The following CLVS1 variants were observed in gnomAD, a reference collection of about 807,000 sequenced individuals.
CLVS1 encodes the protein clavesin 1, also known as clavesin-1.
In CLVS1, 10 loss-of-function variants were observed where a neutral mutation model predicts 33.1. That is an observed-to-expected ratio of 0.30 (90% confidence interval 0.19 to 0.51). The LOEUF (loss-of-function observed/expected upper bound fraction) is 0.51, where lower values mean the gene tolerates loss of function less well. CLVS1 is among the 20% of genes least tolerant of loss of function. The pLI is 0.97. For synonymous variants in CLVS1, 163 were observed against 166.1 expected (o/e 0.98, Z 0.14); for missense variants, 343 against 433.4 (o/e 0.79, Z 1.85).
chr8:60,978,754 G>A, the CLVS1 span, among the ~76,000 whole-genome samples: 4 of 136,834 alleles, frequency 2.9e-5, no homozygotes, highest in Non-Finnish European at 1.5e-5. Context: ...GGTGGAGGTT[G>A]CAGTGAGCCC....
At chr8:61,361,163 G>A (rs1422323814) in intron 2 of CLVS1, among the ~76,000 whole-genome samples, 1 of 152,176 alleles carries the variant, frequency 6.6e-6, no homozygotes, top group African/African-American at 2.4e-5. Context: ...ACCCATTAAT[G>A]AGAACTCTGC....
chr8:61,202,940 C>G (rs1807767645), intron 2 of CLVS1: 4 of 1,422,380 alleles, frequency 2.8e-6, no homozygotes, highest in Non-Finnish European at 3.9e-6. Flanking sequence ...ATACAAGATA[C>G]TCCAGCCAAA....
At chr8:61,295,399 T>A (rs946701656) in intron 1 of CLVS1, among the ~76,000 whole-genome samples, 2 of 152,110 alleles carry the variant, frequency 1.3e-5, no homozygotes, top group African/African-American at 4.8e-5. Flanking sequence ...AGAGCAAAAA[T>A]TAGTGAATGC....
the CLVS1 span, among the ~76,000 whole-genome samples, chr8:61,047,504 G>A: frequency 2.6e-5 from 4 of 152,152 alleles, no homozygotes; most frequent in Non-Finnish European, 4.4e-5. Flanking sequence ...TATGTTTATT[G>A]CGGCACTATT....
chr8:61,122,569 A>AAC (rs4033855), intron 1 of CLVS1, among the ~76,000 whole-genome samples: 11,295 of 144,490 alleles, frequency 0.078, 475 homozygotes, highest in Middle Eastern at 0.13. Context: ...ATATTAAGAA[A>AAC]ACACACACAC....
chr8:61,499,840 AC>A lies in CLVS1; in HGVS notation c.*299del, dbSNP rs1240378976. On this transcript the variant is annotated 3_prime_UTR_variant, in exon 6 of 6. Coordinates refer to ENST00000325897, the MANE Select transcript of CLVS1 (RefSeq NM_173519.3). ...ATTGTAGTAAATTGAAAAAATAAAG[AC>A]TAAATTTGATGGACACACTGCATTA... 8.9e-6 allele frequency: 2 copies of A among 224,274 alleles called. No individual in the cohort carries two copies. Among genetic ancestry groups the A allele is most frequent in the African/African-American group, 4.4e-5 (2 of 44,950 alleles). 13.9% of individuals were successfully genotyped at this position (224,274 alleles called of 1,614,324 possible).
chr8:61,075,694 C>T (rs565908673), intron 1 of CLVS1, among the ~76,000 whole-genome samples: 1 of 152,332 alleles, frequency 6.6e-6, no homozygotes, highest in African/African-American at 2.4e-5. Context: ...CACCTTCCCC[C>T]TTTTACGTTT....
At chr8:61,161,302 A>G (rs1262269868) in intron 2 of CLVS1, among the ~76,000 whole-genome samples, 1 of 152,172 alleles carries the variant, frequency 6.6e-6, no homozygotes, top group African/African-American at 2.4e-5. Flanking sequence ...TAACTCAACA[A>G]TTTTACTTCT....
chr8:61,288,246 G>A, intron 1 of CLVS1, 108 bp downstream of exon 1: 1 of 456,400 alleles, frequency 2.2e-6, no homozygotes. Context: ...TATGTGGACA[G>A]CTCCCATCTG....
At chr8:61,191,360 T>C (rs1027716444) in intron 2 of CLVS1, among the ~76,000 whole-genome samples, 1 of 152,200 alleles carries the variant, frequency 6.6e-6, no homozygotes, top group Non-Finnish European at 1.5e-5. Context: ...AAATTAGGCA[T>C]TGATGGATGT....
Position 61,278,815 on chromosome 8 carries a change from G to A in CLVS1, c.-151-20862G>A, listed in dbSNP as rs191028035. Among the ~76,000 whole-genome samples, 344 of 152,312 alleles carry A rather than the reference G, an allele frequency of 2.3e-3. 1 individual carries two copies. The highest frequency in any genetic ancestry group is 3.4e-3 in the Middle Eastern group (1 of 294). On this transcript the variant is annotated intron_variant, in intron 2 of 2. Transcript: ENST00000522621. The stretch of plus-strand genomic sequence containing the variant: ...TGTTTATCTTGGAATCACTGAGGGT[G>A]GCTTTGCCTTGGGACATGAGGATAG...
the CLVS1 span, among the ~76,000 whole-genome samples, chr8:61,024,177 A>G: frequency 1.2e-4 from 18 of 152,262 alleles, no homozygotes; most frequent in African/African-American, 4.3e-4. Context: ...TTTAAAAAGT[A>G]TTTTACTTCC....
intron 1 of CLVS1, among the ~76,000 whole-genome samples, chr8:61,084,922 T>C (rs1367019438): frequency 1.3e-5 from 2 of 152,234 alleles, no homozygotes; most frequent in Non-Finnish European, 2.9e-5. Context: ...AGGTATAAGA[T>C]GTCTTAGAGT....
chr8:61,256,098 C>T (rs796144034), intron 2 of CLVS1, among the ~76,000 whole-genome samples: 3 of 152,280 alleles, frequency 2.0e-5, no homozygotes, highest in African/African-American at 7.2e-5. Flanking sequence ...AACCCTATTC[C>T]CATAAAACAA....
At position 61,430,946 on chromosome 8, in the gene CLVS1, T is replaced by C. The variant is rs1004749954; in HGVS notation, c.631-23195T>C. Among the ~76,000 whole-genome samples the C allele has an allele frequency of 7.2e-5, 11 of 152,190 alleles. No individual in the cohort carries two copies. The East Asian group carries it at 1.7e-3, about 24-fold the overall frequency. ...GGCAAGCTGGGTGAAATATGAATAA[T>C]AGAGATTTCAAATGACTAAAATGCA... is the stretch of plus-strand genomic sequence containing the variant. On this transcript the variant is annotated intron_variant, in intron 3 of 5. Transcript: ENST00000325897.
chr8:61,487,994 A>T (rs1803940537), intron 5 of CLVS1, among the ~76,000 whole-genome samples: 1 of 152,158 alleles, frequency 6.6e-6, no homozygotes, highest in South Asian at 2.1e-4. Context: ...GAGTATGATA[A>T]TTAGGGATGC....
chr8:61,339,416 C>A (rs940741069), intron 2 of CLVS1, among the ~76,000 whole-genome samples: 1 of 152,082 alleles, frequency 6.6e-6, no homozygotes, highest in Non-Finnish European at 1.5e-5. Context: ...CAATTAAGAA[C>A]CAAGTGGAGC....
chr8:61,372,732 T>A (rs1017325786), intron 2 of CLVS1, among the ~76,000 whole-genome samples: 12 of 152,248 alleles, frequency 7.9e-5, no homozygotes, highest in African/African-American at 2.4e-4. Flanking sequence ...TGTTTTTTGA[T>A]AAACTTGACA....
intron 2 of CLVS1, among the ~76,000 whole-genome samples, chr8:61,169,031 C>T (rs761366450): frequency 4.6e-5 from 7 of 152,216 alleles, no homozygotes; most frequent in African/African-American, 7.2e-5. Context: ...GTCCTACTGT[C>T]TCCTTAAATG....
Sources: allele counts gnomAD v4.1 joint callset (sites outside exome capture counted in the v4.1 genomes callset), GRCh38; gene constraint gnomAD v4.1.1; transcripts MANE v1.5; gene names NCBI Gene and HGNC (gene_info 2026-07-23, HGNC 2026-07-21).